Variants in ASIC2 observed in about 807,000 individuals in gnomAD.
The protein encoded by ASIC2 is acid sensing ion channel subunit 2.
Under a neutral mutation model 57.3 loss-of-function variants are expected in ASIC2, and 25 were observed. The observed-to-expected ratio is 0.44, with a 90% CI of 0.32 to 0.61. The LOEUF is 0.61. ASIC2 is among the 20% of genes least tolerant of loss of function. The pLI is 0.06. For synonymous variants in ASIC2, 319 were observed against 307.5 expected, an observed-to-expected ratio of 1.04 and a Z score of -0.39; for missense variants, 641 against 738.1, an observed-to-expected ratio of 0.87 and a Z score of 1.52.
chr17:34,114,424 G>A (rs1911368470), intron 1 of ASIC2, among the ~76,000 whole-genome samples: 1 of 152,108 alleles, frequency 6.6e-6, no homozygotes, highest in Non-Finnish European at 1.5e-5. Flanking sequence ...CTTCTGCATG[G>A]GGCTAGCCCT....
intron 1 of ASIC2, among the ~76,000 whole-genome samples, chr17:33,683,130 G>A (rs1330691809): frequency 3.3e-5 from 5 of 152,106 alleles, no homozygotes; most frequent in African/African-American, 4.8e-5. Context: ...CCTGGGTTCT[G>A]GATTCTGGCT....
At chr17:33,167,687 G>A (rs566038872) in intron 1 of ASIC2, among the ~76,000 whole-genome samples, 4 of 152,206 alleles carry the variant, frequency 2.6e-5, no homozygotes, top group South Asian at 2.1e-4. Flanking sequence ...CCAATAGTGC[G>A]ACAGGCTGAC....
chr17:33,129,718 G>A (rs546335711), intron 1 of ASIC2, among the ~76,000 whole-genome samples: 1 of 152,278 alleles, frequency 6.6e-6, no homozygotes, highest in African/African-American at 2.4e-5. Flanking sequence ...TTCAGGAATG[G>A]CCAACCTGGA....
chr17:33,619,752 T>C (rs1431757205), intron 1 of ASIC2, among the ~76,000 whole-genome samples: 1 of 152,208 alleles, frequency 6.6e-6, no homozygotes, highest in Non-Finnish European at 1.5e-5. Context: ...TACGTTCTTC[T>C]GTTTAAAAAG....
intron 1 of ASIC2, among the ~76,000 whole-genome samples, chr17:34,116,894 G>A (rs1020765099): frequency 3.9e-5 from 6 of 152,164 alleles, no homozygotes; most frequent in African/African-American, 1.4e-4. Context: ...GTGTGGGTGG[G>A]TGGGTGTGTA....
intron 1 of ASIC2, among the ~76,000 whole-genome samples, chr17:33,724,993 G>A (rs1345847978): frequency 6.6e-6 from 1 of 152,220 alleles, no homozygotes; most frequent in Non-Finnish European, 1.5e-5. Flanking sequence ...TGCTGGTCTG[G>A]AAGCCACAGC....
intron 1 of ASIC2, among the ~76,000 whole-genome samples, chr17:34,031,641 A>G (rs1392454778): frequency 2.0e-5 from 3 of 152,184 alleles, no homozygotes; most frequent in African/African-American, 4.8e-5. Context: ...GGATAACTAG[A>G]ATAACCAATG....
chr17:33,633,527 A>G (rs1906246027), intron 1 of ASIC2, among the ~76,000 whole-genome samples: 1 of 152,176 alleles, frequency 6.6e-6, no homozygotes, highest in African/African-American at 2.4e-5. Flanking sequence ...TGGAGTTGAC[A>G]TGCCCAGGGC....
intron 1 of ASIC2, among the ~76,000 whole-genome samples, chr17:33,267,122 A>C (rs1439074667): frequency 6.6e-6 from 1 of 152,166 alleles, no homozygotes; most frequent in East Asian, 1.9e-4. Flanking sequence ...AAGAAAAAGA[A>C]CATACTGGTG....
At chr17:33,594,950 G>A (rs954041589) in intron 1 of ASIC2, among the ~76,000 whole-genome samples, 3 of 143,880 alleles carry the variant, frequency 2.1e-5, no homozygotes, top group African/African-American at 5.7e-5. Context: ...GCGAGGTGCA[G>A]TGGCTCATGC....
At chr17:33,144,073 C>T (rs1904440529) in intron 1 of ASIC2, among the ~76,000 whole-genome samples, 1 of 151,924 alleles carries the variant, frequency 6.6e-6, no homozygotes, top group African/African-American at 2.4e-5. Flanking sequence ...CCCTACTTTC[C>T]TGAGCCATGT....
At chr17:33,339,364 T>C (rs1218830270) in intron 1 of ASIC2, among the ~76,000 whole-genome samples, 2 of 152,192 alleles carry the variant, frequency 1.3e-5, no homozygotes, top group Admixed American at 6.5e-5. Flanking sequence ...TACTCAACTC[T>C]CCTGTTGTAG....
intron 1 of ASIC2, among the ~76,000 whole-genome samples, chr17:34,011,817 A>G (rs1597973211): frequency 6.6e-6 from 1 of 151,116 alleles, no homozygotes. Context: ...CACTCACCCC[A>G]CTCCCCGCCC....
intron 1 of ASIC2, among the ~76,000 whole-genome samples, chr17:33,301,150 C>T (rs888423226): frequency 6.6e-6 from 1 of 152,050 alleles, no homozygotes; most frequent in African/African-American, 2.4e-5. Context: ...ACACCTCAGC[C>T]TCCCAAGTAG....
intron 1 of ASIC2, among the ~76,000 whole-genome samples, chr17:33,451,120 A>C (rs1398383409): frequency 6.6e-6 from 1 of 151,242 alleles, no homozygotes; most frequent in East Asian, 1.9e-4. Context: ...GCAGTGGTGC[A>C]GTCTCAGCTC....
chr17:33,707,167 G>A (rs1185373029), intron 1 of ASIC2, among the ~76,000 whole-genome samples: 1 of 152,074 alleles, frequency 6.6e-6, no homozygotes, highest in Non-Finnish European at 1.5e-5. Context: ...ATCTTCCTCT[G>A]AGAGTTTTTG....
At chr17:33,528,736 C>T (rs1431609843) in intron 1 of ASIC2, among the ~76,000 whole-genome samples, 1 of 152,208 alleles carries the variant, frequency 6.6e-6, no homozygotes, top group Non-Finnish European at 1.5e-5. Context: ...AAGTTGCAGC[C>T]CCTCTTACTA....
chr17:33,929,973 A>G (rs1420682073), intron 1 of ASIC2, among the ~76,000 whole-genome samples: 1 of 152,226 alleles, frequency 6.6e-6, no homozygotes, highest in East Asian at 1.9e-4. Flanking sequence ...GGTGGGCGTC[A>G]TGGCTATAAG....
intron 1 of ASIC2, among the ~76,000 whole-genome samples, chr17:33,646,754 G>C (rs1266619456): frequency 6.6e-6 from 1 of 152,190 alleles, no homozygotes; most frequent in Non-Finnish European, 1.5e-5. Context: ...TCTGGGTGCA[G>C]AGTAGCTACA....
Sources: allele counts gnomAD v4.1 joint callset (sites outside exome capture counted in the v4.1 genomes callset), GRCh38; gene constraint gnomAD v4.1.1; transcripts MANE v1.5; gene names NCBI Gene and HGNC (gene_info 2026-07-23, HGNC 2026-07-21).